Variants in LARS2 observed in about 807,000 individuals in gnomAD.
The protein encoded by LARS2 is leucyl-tRNA synthetase 2, mitochondrial.
LARS2 carries 81 observed loss-of-function variants against 116.6 expected under a neutral mutation model. That is an observed-to-expected ratio of 0.69 (90% CI 0.58 to 0.84). The LOEUF is 0.84. LARS2 is among the 40% of genes least tolerant of loss of function. The pLI is 0.00. For synonymous variants in LARS2, 396 were observed against 407.2 expected, an observed-to-expected ratio of 0.97 and a Z score of 0.33; for missense variants, 968 against 1,114.5, an observed-to-expected ratio of 0.87 and a Z score of 1.87.
At chr3:45,511,465 A>T (rs780995914) in intron 15 of LARS2, among the ~76,000 whole-genome samples, 8 of 152,142 alleles carry the variant, frequency 5.3e-5, no homozygotes, top group Non-Finnish European at 1.0e-4. Flanking sequence ...ACGTTCTGCT[A>T]ATTGGGCTGA....
At chr3:45,446,569 T>C (rs1004954489) in intron 6 of LARS2, among the ~76,000 whole-genome samples, 3 of 152,268 alleles carry the variant, frequency 2.0e-5, no homozygotes, top group African/African-American at 4.8e-5. Context: ...ATGTTTGTGC[T>C]GACAAAAATG....
chr3:45,428,280 A>G (rs1322541917), intron 6 of LARS2, among the ~76,000 whole-genome samples: 57 of 92,388 alleles, frequency 6.2e-4, no homozygotes, highest in South Asian at 1.1e-3. Flanking sequence ...TTCTTGCTCT[A>G]TCACCCAGGC....
At chr3:45,522,850 G>A (rs946487883) in intron 19 of LARS2, among the ~76,000 whole-genome samples, 21 of 151,802 alleles carry the variant, frequency 1.4e-4, no homozygotes, top group African/African-American at 4.8e-4. Context: ...CCAGGATTTC[G>A]AGACCAGCCT....
In LARS2 at chr3:45,476,568, T is replaced by TGGGCCATCTCGCCCAGC. The variant is rs1699614271; in HGVS notation, c.959_960insGGGCCATCTCGCCCAGC (p.Leu321GlyfsTer13). 1.2e-6 allele frequency: 2 copies of TGGGCCATCTCGCCCAGC among 1,614,162 alleles called. No individual in the cohort carries two copies. Among genetic ancestry groups the TGGGCCATCTCGCCCAGC allele is most frequent in the East Asian group, 4.5e-5 (2 of 44,878 alleles). On this transcript the variant is annotated frameshift_variant, in exon 10 of 22. Coordinates refer to ENST00000645846, the MANE Select transcript of LARS2 (RefSeq NM_015340.4). LOFTEE classifies it high-confidence loss of function. ...GTGGCCATCTCGCCCAGCCACAGAC[T>TGGGCCATCTCGCCCAGC]CCTACATGGGCACAGCTCTCTGAAG...
intron 19 of LARS2, among the ~76,000 whole-genome samples, chr3:45,521,016 A>G (rs1700443844): frequency 6.6e-6 from 1 of 152,174 alleles, no homozygotes; most frequent in African/African-American, 2.4e-5. Flanking sequence ...AGAAAATAAA[A>G]TAATTAGGCC....
At chr3:45,434,565 C>A (rs147176004) in intron 6 of LARS2, among the ~76,000 whole-genome samples, 1 of 152,298 alleles carries the variant, frequency 6.6e-6, no homozygotes, top group East Asian at 1.9e-4. Context: ...ACATTTGGGT[C>A]ATCATGGTGT....
chr3:45,484,345 A>G (rs1699756999), intron 10 of LARS2, among the ~76,000 whole-genome samples: 1 of 151,304 alleles, frequency 6.6e-6, no homozygotes, highest in Non-Finnish European at 1.5e-5. Flanking sequence ...ATTGTCTACC[A>G]TCTCTCATCT....
intron 4 of LARS2, among the ~76,000 whole-genome samples, chr3:45,404,430 T>G (rs903875338): frequency 1.3e-5 from 2 of 152,184 alleles, no homozygotes; most frequent in African/African-American, 4.8e-5. Context: ...GAAAGTCTGT[T>G]GAGCTTCCTT....
chr3:45,396,747 T>A (rs1419226914), intron 3 of LARS2, among the ~76,000 whole-genome samples: 1 of 152,242 alleles, frequency 6.6e-6, no homozygotes, highest in Non-Finnish European at 1.5e-5. Flanking sequence ...ATTATCCTCA[T>A]TTTTGGAGTA....
intron 2 of LARS2, among the ~76,000 whole-genome samples, chr3:45,393,739 G>A (rs752008567): frequency 8.5e-5 from 13 of 152,092 alleles, no homozygotes; most frequent in Non-Finnish European, 1.6e-4. Context: ...CAGGTAGATC[G>A]CTTGAGCCCA....
chr3:45,410,692 G>T (rs1163054073), intron 4 of LARS2, among the ~76,000 whole-genome samples: 1 of 152,174 alleles, frequency 6.6e-6, no homozygotes, highest in Admixed American at 6.5e-5. Flanking sequence ...CTACAAGCTA[G>T]GGAGCAGAGC....
Position 45,394,167 on chromosome 3 carries a change from C to T in LARS2, c.-21-266C>T, listed in dbSNP as rs138054777. 1.1e-3 allele frequency among the ~76,000 whole-genome samples: 167 copies of T among 152,282 alleles called. 1 individual carries two copies. Among genetic ancestry groups the T allele is most frequent in the East Asian group, 5.8e-4 (3 of 5,176 alleles). ...GCCTTCCATGCAACTTGTGAGGTTGCGCAGGAGCTGGCCAGCTGATGGTCT... is the reference window on the plus strand; with the variant it reads ...GCCTTCCATGCAACTTGTGAGGTTGTGCAGGAGCTGGCCAGCTGATGGTCT... On this transcript the variant is annotated intron_variant, in intron 2 of 21. Coordinates refer to ENST00000645846, the MANE Select transcript of LARS2 (RefSeq NM_015340.4).
chr3:45,470,348 C>T (rs770586290), intron 8 of LARS2, among the ~76,000 whole-genome samples: 2 of 152,012 alleles, frequency 1.3e-5, no homozygotes, highest in Non-Finnish European at 2.9e-5. Context: ...TCTCTTATTC[C>T]TGATTGTATT....
At chr3:45,438,632 A>G (rs13058885) in intron 6 of LARS2, among the ~76,000 whole-genome samples, 67,606 of 149,840 alleles carry the variant, frequency 0.45, 18,689 homozygotes, top group East Asian at 0.7. Context: ...AGCCTGGCCA[A>G]CATGGAGAAA....
intron 8 of LARS2, among the ~76,000 whole-genome samples, chr3:45,472,529 ACCAGAGTCTT>A (rs1185745289): frequency 6.6e-6 from 1 of 152,204 alleles, no homozygotes; most frequent in Non-Finnish European, 1.5e-5. Flanking sequence ...TGGCTCTATG[ACCAGAGTCTT>A]CCTTCTAGGA....
chr3:45,413,289 T>C (rs532579623), intron 4 of LARS2, among the ~76,000 whole-genome samples: 40 of 152,150 alleles, frequency 2.6e-4, no homozygotes, highest in Non-Finnish European at 5.3e-4. Flanking sequence ...GAGGCTGAAA[T>C]TGTGGTAAGG....
rs1352189510 is a variant in LARS2 at position 45,500,445 on chromosome 3, T to G, written c.1626T>G (p.Pro542=). ...TGCCTCCATCTCTTTTTTACAGCCC[T>G]TTTAACACAGCAGTGGCCGATTACT... ...RYTDPHNPHS[P]FNTAVADYWM... is the part of the protein sequence containing the mutation. Residue 542 remains proline (P), a synonymous_variant, in exon 15 of 22, where the codon CCT becomes CCG. Transcript: ENST00000645846. 1.9e-6 allele frequency: 3 copies of G among 1,601,698 alleles called. No individual in the cohort carries two copies. The highest frequency in any genetic ancestry group is 2.5e-6 in the Non-Finnish European group (3 of 1,176,496).
intron 4 of LARS2, among the ~76,000 whole-genome samples, chr3:45,408,912 C>T (rs1698280422): frequency 6.6e-6 from 1 of 152,178 alleles, no homozygotes; most frequent in Admixed American, 6.5e-5. Flanking sequence ...GTTATAGCTA[C>T]TGGTACTTTT....
At chr3:45,537,624 A>T (rs140040877) in intron 20 of LARS2, among the ~76,000 whole-genome samples, 2 of 152,274 alleles carry the variant, frequency 1.3e-5, no homozygotes, top group African/African-American at 4.8e-5. Context: ...CCTCCTTCCT[A>T]TTCACTTCCT....
Sources: gnomAD v4.1 joint callset for allele counts (sites outside exome capture counted in the v4.1 genomes callset) on GRCh38, gnomAD v4.1.1 for gene constraint, MANE v1.5 for transcripts, NCBI Gene and HGNC (gene_info 2026-07-23, HGNC 2026-07-21) for gene names.